ERBB4: variants seen among roughly 807,000 people sequenced by gnomAD.
ERBB4 encodes the protein receptor tyrosine-protein kinase erbB-4.
A neutral mutation model predicts 158.0 loss-of-function variants in ERBB4; 42 were observed. The observed-to-expected ratio is 0.27, with a 90% CI of 0.21 to 0.34. ERBB4 has a LOEUF of 0.34. Among genes scored for constraint, ERBB4 ranks in the 10% least tolerant of loss-of-function variants. The pLI, the probability that ERBB4 is intolerant of heterozygous loss-of-function variation, is 1.00. For synonymous variants in ERBB4, 583 were observed against 558.7 expected (o/e 1.04, Z -0.61); for missense variants, 1,333 against 1,624.1 (o/e 0.82, Z 3.08).
In ERBB4 at chr2:211,383,865, ATGT is replaced by A. The variant is rs1437453698; in HGVS notation, c.3674_3676del (p.Asn1225del). ...CTTGGCCTTCTCTGGCATTGACAGT[ATGT>A]TGTTCTTCAGGTACTCAGCTTTTCC... On this transcript the variant is annotated inframe_deletion, in exon 28 of 28. Transcript: ENST00000342788. 6.2e-7 allele frequency: 1 copy of A among 1,614,114 alleles called. No homozygotes were observed. The highest frequency in any genetic ancestry group is 8.5e-7 in the Non-Finnish European group (1 of 1,180,002).
chr2:212,162,667 G>A (rs2081236531), intron 1 of ERBB4, among the ~76,000 whole-genome samples: 1 of 151,768 alleles, frequency 6.6e-6, no homozygotes, highest in African/African-American at 2.4e-5. Context: ...ATGTTTTAAT[G>A]TACAAAAAAT....
At chr2:211,740,705 G>A (rs1245964305) in intron 5 of ERBB4, among the ~76,000 whole-genome samples, 1 of 146,504 alleles carries the variant, frequency 6.8e-6, no homozygotes, top group East Asian at 2.0e-4. Flanking sequence ...CCGCTTACAG[G>A]GTTTATGCCA....
intron 1 of ERBB4, among the ~76,000 whole-genome samples, chr2:212,413,240 C>T (rs2091554627): frequency 6.6e-6 from 1 of 150,442 alleles, no homozygotes; most frequent in Admixed American, 6.7e-5. Flanking sequence ...CCCGACTCGG[C>T]CTCCCAAAGT....
chr2:211,687,563 G>A (rs558559927), intron 12 of ERBB4, among the ~76,000 whole-genome samples: 7 of 129,798 alleles, frequency 5.4e-5, no homozygotes, highest in African/African-American at 1.6e-4. Context: ...TTTGTTTGTT[G>A]TTTTTCTGTG....
At chr2:212,337,789 G>T (rs1043663829) in intron 1 of ERBB4, among the ~76,000 whole-genome samples, 1 of 152,042 alleles carries the variant, frequency 6.6e-6, no homozygotes, top group Non-Finnish European at 1.5e-5. Flanking sequence ...TTGTAACTGA[G>T]TTTTTGCACT....
intron 1 of ERBB4, among the ~76,000 whole-genome samples, chr2:212,348,063 A>G (rs897820881): frequency 6.6e-6 from 1 of 152,140 alleles, no homozygotes; most frequent in African/African-American, 2.4e-5. Flanking sequence ...GTCAAGAAAC[A>G]GTTTAGAACT....
intron 3 of ERBB4, among the ~76,000 whole-genome samples, chr2:211,926,570 C>T (rs988168244): frequency 1.3e-5 from 2 of 152,080 alleles, no homozygotes; most frequent in Non-Finnish European, 2.9e-5. Context: ...TAGAAACTGC[C>T]TAAAGACTTG....
At position 211,739,190 on chromosome 2, in the gene ERBB4, G is replaced by C. The variant is rs564437304; in HGVS notation, c.622+11449C>G. Among the ~76,000 whole-genome samples, 4 of 151,856 alleles carry C rather than the reference G, an allele frequency of 2.6e-5. No homozygotes were observed. The South Asian group carries it at 8.3e-4, about 32-fold the overall frequency. On this transcript the variant is annotated intron_variant, in intron 5 of 27. Coordinates refer to ENST00000342788, the MANE Select transcript of ERBB4 (RefSeq NM_005235.3). ...CTTATGCCTTTTGTTTTATTGTAGG[G>C]ATCTAACATTATCTTATTCCATAAG...
chr2:212,280,020 T>C (rs1161658790), intron 1 of ERBB4, among the ~76,000 whole-genome samples: 2 of 151,668 alleles, frequency 1.3e-5, no homozygotes, highest in African/African-American at 4.8e-5. Flanking sequence ...ATATCTGCAA[T>C]TGAATTGCAA....
intron 13 of ERBB4, among the ~76,000 whole-genome samples, chr2:211,677,446 C>T (rs896355735): frequency 6.6e-6 from 1 of 151,870 alleles, no homozygotes; most frequent in African/African-American, 2.4e-5. Context: ...CACCTGTAAT[C>T]CCAGCTACTT....
intron 1 of ERBB4, among the ~76,000 whole-genome samples, chr2:212,281,663 C>G (rs1275340633): frequency 1.1e-4 from 16 of 151,750 alleles, no homozygotes; most frequent in Admixed American, 1.1e-3. Context: ...TAGAAAATTT[C>G]TGCATTGAAA....
chr2:211,515,607 A>C (rs1429156619), intron 20 of ERBB4, among the ~76,000 whole-genome samples: 2 of 151,868 alleles, frequency 1.3e-5, no homozygotes, highest in Non-Finnish European at 2.9e-5. Flanking sequence ...ATTTGGCTTG[A>C]AGATGACTAG....
intron 2 of ERBB4, among the ~76,000 whole-genome samples, chr2:211,970,540 T>C (rs2081422549): frequency 6.6e-6 from 1 of 152,178 alleles, no homozygotes; most frequent in African/African-American, 2.4e-5. Flanking sequence ...TAAACTTGCT[T>C]TATGAATCTA....
intron 2 of ERBB4, among the ~76,000 whole-genome samples, chr2:211,989,409 A>C (rs915000650): frequency 1.3e-5 from 2 of 151,980 alleles, no homozygotes; most frequent in African/African-American, 4.8e-5. Flanking sequence ...ATTTTAGACA[A>C]CTGCTGCCCA....
chr2:211,577,752 A>T (rs547526091), intron 19 of ERBB4, among the ~76,000 whole-genome samples: 3 of 152,282 alleles, frequency 2.0e-5, no homozygotes, highest in Admixed American at 2.0e-4. Context: ...CCTTCAATAA[A>T]ATTTGACATT....
intron 22 of ERBB4, among the ~76,000 whole-genome samples, chr2:211,428,145 C>A (rs1460836028): frequency 6.6e-6 from 1 of 151,660 alleles, no homozygotes; most frequent in African/African-American, 2.4e-5. Context: ...ATAGGTACAG[C>A]AAACCACCAT....
At chr2:211,435,647 G>A (rs6435623) in intron 20 of ERBB4, among the ~76,000 whole-genome samples, 132,487 of 152,130 alleles carry the variant, frequency 0.87, 58,333 homozygotes, top group Middle Eastern at 0.95. Flanking sequence ...GCTGAACCCA[G>A]TTGTGAACTG....
chr2:211,930,126 A>G (rs2080133491), intron 3 of ERBB4, among the ~76,000 whole-genome samples: 1 of 152,106 alleles, frequency 6.6e-6, no homozygotes, highest in African/African-American at 2.4e-5. Context: ...ATAAAATAAA[A>G]TGACAGAGTA....
chr2:212,454,337 C>T (rs573754593), intron 1 of ERBB4, among the ~76,000 whole-genome samples: 53 of 152,296 alleles, frequency 3.5e-4, no homozygotes, highest in Non-Finnish European at 7.4e-4. Context: ...AAGACAATTT[C>T]TCTTTCACAC....
Sources: gnomAD v4.1 joint callset for allele counts (sites outside exome capture counted in the v4.1 genomes callset) on GRCh38, gnomAD v4.1.1 for gene constraint, MANE v1.5 for transcripts, NCBI Gene and HGNC (gene_info 2026-07-23, HGNC 2026-07-21) for gene names.